NSL1: variants seen among roughly 807,000 people sequenced by gnomAD.
The protein encoded by NSL1 is kinetochore-associated protein NSL1 homolog.
NSL1 carries 11 observed loss-of-function variants against 25.4 expected under a neutral mutation model. That is an observed-to-expected ratio of 0.43 (90% CI 0.27 to 0.72). The LOEUF (loss-of-function observed/expected upper bound fraction) is 0.72, where lower values mean the gene tolerates loss of function less well. Among genes scored for constraint, NSL1 ranks in the 30% least tolerant of loss-of-function variants. NSL1 has a pLI of 0.19. For synonymous variants in NSL1, 118 were observed against 120.6 expected, an observed-to-expected ratio of 0.98 and a Z score of 0.14; for missense variants, 330 against 342.7, an observed-to-expected ratio of 0.96 and a Z score of 0.29.
intron 1 of NSL1, among the ~76,000 whole-genome samples, chr1:212,790,470 A>T (rs1382001262): frequency 6.6e-6 from 1 of 152,176 alleles, no homozygotes; most frequent in Non-Finnish European, 1.5e-5. Context: ...ATTTTTGCAA[A>T]GCCCTGAAGG....
intron 3 of NSL1, among the ~76,000 whole-genome samples, chr1:212,783,102 T>C (rs1660798054): frequency 6.6e-6 from 1 of 151,732 alleles, no homozygotes; most frequent in Non-Finnish European, 1.5e-5. Flanking sequence ...TGCTCAGGAG[T>C]CTGAGACCAG....
At chr1:212,758,576 T>C (rs1659417812) in intron 4 of NSL1, among the ~76,000 whole-genome samples, 1 of 152,194 alleles carries the variant, frequency 6.6e-6, no homozygotes, top group African/African-American at 2.4e-5. Context: ...AAGAATAAAG[T>C]ATTTAGGAAT....
intron 4 of NSL1, chr1:212,781,979 T>G: frequency 2.1e-6 from 1 of 483,118 alleles, no homozygotes; most frequent in South Asian, 1.5e-5. Context: ...TTAGAAATAA[T>G]GAGAAACCAA....
At position 212,734,192 on chromosome 1, in the gene NSL1, T is replaced by C. The variant is rs989197712; in HGVS notation, c.*4216A>G. ...TCTGGGATTTTGCTTTGTATGTATC[T>C]GTTTTCTTTGAGGTCCTTTATTCTC... On this transcript the variant is annotated 3_prime_UTR_variant, in exon 6 of 6. Transcript: ENST00000366977. 6.6e-6 allele frequency among the ~76,000 whole-genome samples: 1 copy of C among 152,230 alleles called. No homozygotes were observed. Among genetic ancestry groups the C allele is most frequent in the Admixed American group, 6.5e-5 (1 of 15,286 alleles).
rs759530788 is a variant in NSL1 at position 212,787,603 on chromosome 1, A to T, written c.269T>A (p.Ile90Asn). 1 of 1,608,084 alleles carries T rather than the reference A, an allele frequency of 6.2e-7. No individual in the cohort carries two copies. Among genetic ancestry groups the T allele is most frequent in the Non-Finnish European group, 8.5e-7 (1 of 1,177,570 alleles). ...FESAVQENIS[I>N]NGQAWQEASD... ...AGCTTCCTGCCATGCTTGCCCATTA[A>T]TGCTGATATTCTCTTGCACAGCTGA... The change falls in exon 2 of 6, where the codon ATT becomes AAT. Residue 90 changes from isoleucine to asparagine, a missense_variant. Coordinates refer to ENST00000366977, the MANE Select transcript of NSL1 (RefSeq NM_015471.4).
chr1:212,768,637 T>G (rs1659954544), intron 4 of NSL1, among the ~76,000 whole-genome samples: 1 of 152,112 alleles, frequency 6.6e-6, no homozygotes, highest in Non-Finnish European at 1.5e-5. Context: ...AACCAAGCAT[T>G]GTATGTTCTC....
chr1:212,776,324 T>C (rs530541644), intron 4 of NSL1, among the ~76,000 whole-genome samples: 4 of 151,484 alleles, frequency 2.6e-5, no homozygotes, highest in East Asian at 2.0e-4. Flanking sequence ...GATCGCGCCA[T>C]TGCACTCCAG....
intron 4 of NSL1, among the ~76,000 whole-genome samples, chr1:212,764,663 T>C (rs574056849): frequency 5.9e-5 from 9 of 151,558 alleles, no homozygotes; most frequent in East Asian, 1.9e-4. Flanking sequence ...CTGGACAACA[T>C]GGTGAAACCC....
At chr1:212,746,869 G>A (rs1428538256) in intron 4 of NSL1, among the ~76,000 whole-genome samples, 1 of 152,182 alleles carries the variant, frequency 6.6e-6, no homozygotes, top group African/African-American at 2.4e-5. Flanking sequence ...CCTGTGGCCA[G>A]GTGCGGTGGC....
intron 4 of NSL1, among the ~76,000 whole-genome samples, chr1:212,758,818 A>T (rs1354469389): frequency 2.6e-5 from 4 of 152,246 alleles, no homozygotes; most frequent in Non-Finnish European, 4.4e-5. Flanking sequence ...AAGGGATCAG[A>T]AGAGCCAAAA....
chr1:212,770,939 T>C (rs1660075738), intron 4 of NSL1, among the ~76,000 whole-genome samples: 1 of 152,136 alleles, frequency 6.6e-6, no homozygotes, highest in African/African-American at 2.4e-5. Flanking sequence ...ATCAACAGAA[T>C]GAAGCACAAA....
intron 2 of NSL1, among the ~76,000 whole-genome samples, 153 bp downstream of exon 2, chr1:212,787,406 T>A (rs1444124168): frequency 2.0e-5 from 3 of 152,240 alleles, no homozygotes; most frequent in African/African-American, 7.2e-5. Flanking sequence ...AGAAGACTAT[T>A]GAAGTCATAA....
At position 212,727,174 on chromosome 1, in the gene NSL1, T is replaced by C; in HGVS notation, c.*11234A>G. ...GCCCCTAGAGCTAGTCCACCAGGCT[T>C]GGCTCCTAATGTGTTAAATGGGGGT... On this transcript the variant is annotated 3_prime_UTR_variant, in exon 6 of 6. Coordinates refer to ENST00000366977, the MANE Select transcript of NSL1 (RefSeq NM_015471.4). 1 of 1,563,974 alleles carries C rather than the reference T, an allele frequency of 6.4e-7. No homozygotes were observed. The highest frequency in any genetic ancestry group is 2.4e-5 in the East Asian group (1 of 42,114).
chr1:212,784,442 A>C lies in NSL1; in HGVS notation c.365T>G (p.Ile122Arg). The C allele has an allele frequency of 6.3e-7, 1 of 1,594,124 alleles. No homozygotes were observed. The highest frequency in any genetic ancestry group is 2.2e-5 in the East Asian group (1 of 44,618). Residue 122 changes from isoleucine to arginine, a missense_variant, in exon 3 of 6, where the codon ATA becomes AGA. By Grantham distance (97) the Ile-to-Arg change is moderately conservative. Transcript: ENST00000366977. ...GGGATACTGCTTACGTTTTGTGGCTATATCTACTATGATTTCATCAAACTG... is the reference window on the plus strand; with the variant it reads ...GGGATACTGCTTACGTTTTGTGGCTCTATCTACTATGATTTCATCAAACTG... ...EDQFDEIIVD[I>R]ATKRKQYPRK...
At chr1:212,789,280 T>C (rs1162935260) in intron 1 of NSL1, among the ~76,000 whole-genome samples, 3 of 152,282 alleles carry the variant, frequency 2.0e-5, no homozygotes, top group Middle Eastern at 3.4e-3. Context: ...GGCGCAATCT[T>C]GGCTCACTGC....
intron 4 of NSL1, among the ~76,000 whole-genome samples, chr1:212,753,698 T>C (rs1258986916): frequency 6.6e-6 from 1 of 152,200 alleles, no homozygotes; most frequent in African/African-American, 2.4e-5. Context: ...ATGTATTTAT[T>C]GGGCATGCTG....
Position 212,733,952 on chromosome 1 carries a change from A to G in NSL1, c.*4456T>C, listed in dbSNP as rs1166902161. Among the ~76,000 whole-genome samples the G allele has an allele frequency of 6.6e-6, 1 of 152,000 alleles. No individual in the cohort carries two copies. The highest frequency in any genetic ancestry group is 1.5e-5 in the Non-Finnish European group (1 of 67,986). ...TGAACTTTATGAACTTATTCTCTTT[A>G]TTCTTACTTTTCTAATTTGCCATTT... On this transcript the variant is annotated 3_prime_UTR_variant, in exon 6 of 6. Transcript: ENST00000366977.
chr1:212,777,740 T>C (rs1660441315), intron 4 of NSL1, among the ~76,000 whole-genome samples: 2 of 152,240 alleles, frequency 1.3e-5, no homozygotes, highest in Admixed American at 1.3e-4. Context: ...TTCAACTATA[T>C]CTGAACATTT....
Position 212,733,719 on chromosome 1 carries a change from A to C in NSL1, c.*4689T>G, listed in dbSNP as rs528923230. ...CTATTGAGTGGATAGTCCACATTTT[A>C]TTTATCCATTCATCAGTTCATGAAA... On this transcript the variant is annotated 3_prime_UTR_variant, in exon 6 of 6. Transcript: ENST00000366977. 1.3e-5 allele frequency among the ~76,000 whole-genome samples: 2 copies of C among 152,128 alleles called. No individual in the cohort carries two copies. The highest frequency in any genetic ancestry group is 2.9e-5 in the Non-Finnish European group (2 of 68,018).
Sources: gnomAD v4.1 joint callset for allele counts (sites outside exome capture counted in the v4.1 genomes callset) on GRCh38, gnomAD v4.1.1 for gene constraint, MANE v1.5 for transcripts, NCBI Gene and HGNC (gene_info 2026-07-23, HGNC 2026-07-21) for gene names.